RBM26: variants seen among roughly 807,000 people sequenced by gnomAD.
RBM26 encodes the protein RNA binding motif protein 26.
Under a neutral mutation model 123.6 loss-of-function variants are expected in RBM26, and 30 were observed. That is an observed-to-expected ratio of 0.24 (90% CI 0.18 to 0.33). The LOEUF (loss-of-function observed/expected upper bound fraction) is 0.33, where lower values mean the gene tolerates loss of function less well. RBM26 is among the 10% of genes least tolerant of loss of function. RBM26 has a pLI of 1.00. For synonymous variants in RBM26, 400 were observed against 404.4 expected, an observed-to-expected ratio of 0.99 and a Z score of 0.13; for missense variants, 947 against 1,203.6, an observed-to-expected ratio of 0.79 and a Z score of 3.15.
chr13:79,319,915 C>CTTT lies in RBM26; in HGVS notation c.*703_*705dup. 4.3e-6 allele frequency: 2 copies of CTTT among 461,672 alleles called. No homozygotes were observed. Among genetic ancestry groups the CTTT allele is most frequent in the Non-Finnish European group, 2.4e-6 (1 of 411,088 alleles). 28.6% of individuals were successfully genotyped at this position (461,672 alleles called of 1,614,324 possible). A position where few individuals can be genotyped will look rare whatever the true frequency, so the allele number is the denominator to read the frequency against. On this transcript the variant is annotated 3_prime_UTR_variant, in exon 22 of 22. Transcript: ENST00000438737. The stretch of plus-strand genomic sequence containing the variant: ...ATTTTTTTCTTTTCTTTTTTCTTTT[C>CTTT]TTTTTTTTTTTAAATCAAGGAACAT...
intron 1 of RBM26, among the ~76,000 whole-genome samples, chr13:79,390,302 T>C (rs1400221882): frequency 2.6e-5 from 4 of 152,148 alleles, no homozygotes; most frequent in Admixed American, 6.5e-5. Flanking sequence ...TACAGATATA[T>C]GCAATAATAT....
rs200633121 is a variant in RBM26 at position 79,366,164 on chromosome 13, T to C, written c.1167A>G (p.Pro389=). The change falls in exon 8 of 22, where the codon CCA becomes CCG. Residue 389 remains proline (P), a synonymous_variant. Coordinates refer to ENST00000438737, the MANE Select transcript of RBM26 (RefSeq NM_001366735.2). ...AGTTTGGAGGAGCATCCATGCCAGA[T>C]GGCTGCAAAGGAGGAAGTGGAGGTG... The part of the protein sequence containing the change: ...GPPPPLPPLQ[P]SGMDAPPNSA... 34 of 1,613,810 alleles carry C rather than the reference T, an allele frequency of 2.1e-5. No homozygotes were observed. In the East Asian group the frequency reaches 6.5e-4, roughly 31 times the overall value.
chr13:79,327,151 C>A (rs1375423755), intron 20 of RBM26, among the ~76,000 whole-genome samples: 1 of 151,806 alleles, frequency 6.6e-6, no homozygotes, highest in African/African-American at 2.4e-5. Context: ...CAAAAATTAG[C>A]CAACTGTGGC....
intron 15 of RBM26, 36 bp from the exon 16 acceptor site, chr13:79,344,358 A>G: frequency 1.4e-6 from 2 of 1,389,510 alleles, no homozygotes; most frequent in Non-Finnish European, 2.0e-6. Context: ...TTAGAATATT[A>G]CTAAGGATAA....
chr13:79,397,481 C>CTGGCTA (rs2078674661), intron 1 of RBM26, among the ~76,000 whole-genome samples: 1 of 151,494 alleles, frequency 6.6e-6, no homozygotes, highest in Non-Finnish European at 1.5e-5. Context: ...CGAGACCATC[C>CTGGCTA]TGGCTAACAC....
intron 1 of RBM26, among the ~76,000 whole-genome samples, chr13:79,379,206 T>C (rs1284867073): frequency 6.6e-6 from 1 of 151,832 alleles, no homozygotes; most frequent in Admixed American, 6.6e-5. Context: ...AAAAGTGGCA[T>C]CCAAACCAAC....
intron 1 of RBM26, among the ~76,000 whole-genome samples, chr13:79,400,296 CTGGGAAGTCTCA>C (rs754435963): frequency 6.6e-6 from 1 of 152,148 alleles, no homozygotes; most frequent in Non-Finnish European, 1.5e-5. Flanking sequence ...GTTCTGGAGG[CTGGGAAGTCTCA>C]TATCAAGGTA....
intron 18 of RBM26, among the ~76,000 whole-genome samples, chr13:79,340,155 T>C (rs1158499375): frequency 3.2e-5 from 4 of 125,572 alleles, no homozygotes; most frequent in African/African-American, 5.4e-5. Flanking sequence ...AGAAATATTT[T>C]TCAAACTTTT....
chr13:79,405,711 C>T lies in RBM26; in HGVS notation c.64G>A (p.Glu22Lys). Residue 22 changes from glutamate (E) to lysine (K), a missense_variant, in exon 1 of 22, where the codon GAG becomes AAG. Around this residue, in one of 5 missense-constraint regions of RBM26, gnomAD observed 275 missense variants for 361.0 expected, o/e 0.76. Transcript: ENST00000438737. ...ALKSWLSKTL[E>K]PICDADPSAL... Reference sequence around the variant, plus strand: ...TATCCCCCGGATACTCACATGGGCTCGAGAGTCTTGCTGAGCCAGGACTTG... The same window carrying T: ...TATCCCCCGGATACTCACATGGGCTTGAGAGTCTTGCTGAGCCAGGACTTG... 6.3e-7 allele frequency: 1 copy of T among 1,593,040 alleles called. No homozygotes were observed. Among genetic ancestry groups the T allele is most frequent in the South Asian group, 1.1e-5 (1 of 89,508 alleles).
In RBM26 at chr13:79,355,352, T is replaced by C; in HGVS notation, c.1722A>G (p.Leu574=). The C allele has an allele frequency of 6.2e-7, 1 of 1,613,858 alleles. No individual in the cohort carries two copies. The highest frequency in any genetic ancestry group is 8.5e-7 in the Non-Finnish European group (1 of 1,179,836). ...VAYNGDPEGA[L]IQFATYEEAK... ...CTTCTTCGTATGTTGCAAATTGGAT[T>C]AGGGCACCTTCAGGATCACCATTAT... The change falls in exon 12 of 22, where the codon CTA becomes CTG. Residue 574 remains leucine, a synonymous_variant. Coordinates refer to ENST00000438737, the MANE Select transcript of RBM26 (RefSeq NM_001366735.2).
intron 3 of RBM26, among the ~76,000 whole-genome samples, chr13:79,375,071 T>TATAAA (rs2076524626): frequency 1.0e-4 from 3 of 30,106 alleles, no homozygotes; most frequent in African/African-American, 4.4e-4. Context: ...TTTTATATAT[T>TATAAA]TATATGATAT....
intron 20 of RBM26, among the ~76,000 whole-genome samples, chr13:79,328,683 T>TAAAAAAAAA (rs747906560): frequency 3.6e-4 from 14 of 38,446 alleles, no homozygotes; most frequent in Non-Finnish European, 4.4e-4. Flanking sequence ...CTGCATTAAG[T>TAAAAAAAAA]AAAAAAAAAA....
chr13:79,390,180 G>A (rs1488180948), intron 1 of RBM26, among the ~76,000 whole-genome samples: 1 of 152,030 alleles, frequency 6.6e-6, no homozygotes, highest in East Asian at 1.9e-4. Context: ...TAATTAGTAA[G>A]ACTTAAGAAA....
Position 79,342,796 on chromosome 13 carries a change from C to A in RBM26, c.2295G>T (p.Met765Ile). ...TTATTTCTGCTTTATCTTCAGACTT[C>A]ATTGTTTTGTTTTTCTCCAGTTTTG... is the stretch of plus-strand genomic sequence containing the variant. ...LISKLEKNKT[M>I]KSEDKAEIMK... Residue 765 changes from methionine (M) to isoleucine (I), a missense_variant, in exon 17 of 22, where the codon ATG (methionine) becomes ATT (isoleucine). Physicochemically the swap from Met to Ile is conservative, Grantham distance 10. This residue lies in a region of RBM26 where 493 missense variants were observed against 563.1 expected (regional missense o/e 0.88). Coordinates refer to ENST00000438737, the MANE Select transcript of RBM26 (RefSeq NM_001366735.2). 1 of 1,599,404 alleles carries A rather than the reference C, an allele frequency of 6.3e-7. No homozygotes were observed. Among genetic ancestry groups the A allele is most frequent in the Non-Finnish European group, 8.5e-7 (1 of 1,174,156 alleles).
chr13:79,319,949 CTTTTTTTTTTTTTT>C lies in RBM26; in HGVS notation c.*658_*671del. On this transcript the variant is annotated 3_prime_UTR_variant, in exon 22 of 22. Transcript: ENST00000438737. ...TTTAAATCAAGGAACATTGTCTTGG[CTTTTTTTTTTTTTT>C]TTTTTTTGTCATTGCTTTTCTCTTT... 3.5e-5 allele frequency: 4 copies of C among 115,814 alleles called. No homozygotes were observed. Among genetic ancestry groups the C allele is most frequent in the Non-Finnish European group, 3.8e-5 (4 of 104,370 alleles). The allele number at this position is 115,814 out of a possible 1,614,324, so 7.2% of individuals were successfully genotyped here. A position where few individuals can be genotyped will look rare whatever the true frequency, so the allele number is the denominator to read the frequency against.
chr13:79,313,853 C>A, exon 5 of RBM26: 1 of 138,398 alleles, frequency 7.2e-6, no homozygotes, highest in Non-Finnish European at 1.6e-5. Flanking sequence ...AAAAAGTTTG[C>A]AGAATGTTAA....
At chr13:79,379,682 G>A (rs2076925367) in intron 1 of RBM26, among the ~76,000 whole-genome samples, 1 of 151,346 alleles carries the variant, frequency 6.6e-6, no homozygotes, top group Non-Finnish European at 1.5e-5. Context: ...AAAAAGTAAT[G>A]TGATTATAAA....
At position 79,326,977 on chromosome 13, in the gene RBM26, T is replaced by C. The variant is rs139167932; in HGVS notation, c.2821-4515A>G. On this transcript the variant is annotated intron_variant, in intron 20 of 21. Coordinates refer to ENST00000438737, the MANE Select transcript of RBM26 (RefSeq NM_001366735.2). ...AAAGAAAAAAAAAAAGTCATTGTTA[T>C]ACAAACATCAAAAAGCATTATAAAA... 3.0e-4 allele frequency among the ~76,000 whole-genome samples: 45 copies of C among 152,082 alleles called. No individual in the cohort carries two copies. In the Middle Eastern group the frequency reaches 0.02, roughly 69 times the overall value.
At chr13:79,350,358 G>GC (rs2073051860) in intron 14 of RBM26, among the ~76,000 whole-genome samples, 1 of 152,172 alleles carries the variant, frequency 6.6e-6, no homozygotes, top group Admixed American at 6.5e-5. Context: ...AAGGGATTCA[G>GC]CAAGATAATT....
Sources: gnomAD v4.1 joint callset for allele counts (sites outside exome capture counted in the v4.1 genomes callset) on GRCh38, gnomAD v4.1.1 for gene constraint, gnomAD v4.1.1 regional missense constraint, MANE v1.5 for transcripts, NCBI Gene and HGNC (gene_info 2026-07-23, HGNC 2026-07-21) for gene names.